The following SPATA17 variants were observed in gnomAD, a reference collection of about 807,000 sequenced individuals.
The protein encoded by SPATA17 is spermatogenesis associated 17, also known as spermatogenesis-associated protein 17.
Under a neutral mutation model 62.2 loss-of-function variants are expected in SPATA17, and 53 were observed. That is an observed-to-expected ratio of 0.85 (90% CI 0.68 to 1.07). The LOEUF (loss-of-function observed/expected upper bound fraction) is 1.07. Ranked by LOEUF, SPATA17 falls within the 50% of genes least tolerant of loss-of-function variation. The pLI, the probability that SPATA17 is intolerant of heterozygous loss-of-function variation, is 0.00. For missense variants in SPATA17, 466 were observed against 425.5 expected (o/e 1.10, Z -0.84); for synonymous variants, 146 against 146.8 (o/e 0.99, Z 0.04).
At chr1:217,790,772 A>G (rs763920619) in intron 8 of SPATA17, among the ~76,000 whole-genome samples, 9 of 152,236 alleles carry the variant, frequency 5.9e-5, no homozygotes, top group Non-Finnish European at 1.3e-4. Flanking sequence ...CTAATTAAGT[A>G]TGATTTCGTA....
chr1:217,786,018 T>C (rs905831549), intron 8 of SPATA17, among the ~76,000 whole-genome samples: 1 of 152,146 alleles, frequency 6.6e-6, no homozygotes, highest in Non-Finnish European at 1.5e-5. Context: ...AAGCAATTAA[T>C]AAATAATTAT....
intron 8 of SPATA17, among the ~76,000 whole-genome samples, chr1:217,787,770 C>A (rs983955079): frequency 1.3e-5 from 2 of 151,898 alleles, no homozygotes; most frequent in Admixed American, 6.6e-5. Flanking sequence ...GCAGAGGTAT[C>A]TATTGTCAAC....
chr1:217,696,382 G>A (rs941013589), intron 5 of SPATA17, among the ~76,000 whole-genome samples: 9 of 152,084 alleles, frequency 5.9e-5, no homozygotes, highest in Non-Finnish European at 1.2e-4. Flanking sequence ...ACTGGCCTGC[G>A]CCCACTGTCT....
intron 5 of SPATA17, among the ~76,000 whole-genome samples, chr1:217,699,291 C>A (rs1386003816): frequency 6.6e-6 from 1 of 152,120 alleles, no homozygotes; most frequent in Non-Finnish European, 1.5e-5. Context: ...AACTGTTTTC[C>A]TGAGCAGCTG....
At chr1:217,755,966 C>T (rs911063617) in intron 6 of SPATA17, among the ~76,000 whole-genome samples, 5 of 151,884 alleles carry the variant, frequency 3.3e-5, no homozygotes, top group African/African-American at 1.2e-4. Flanking sequence ...CCCTTTTCCC[C>T]CTTCTATGTC....
chr1:217,768,891 G>A (rs1673367662), intron 6 of SPATA17, among the ~76,000 whole-genome samples: 2 of 152,196 alleles, frequency 1.3e-5, no homozygotes, highest in East Asian at 1.9e-4. Context: ...TTATTAGAGG[G>A]CGCTTACTAC....
At chr1:217,784,856 G>C (rs975661647) in intron 8 of SPATA17, 5 of 152,062 alleles carry the variant, frequency 3.3e-5, no homozygotes, top group Non-Finnish European at 5.9e-5. Context: ...CTCGTTAAAG[G>C]CCTCTCTTTG....
At chr1:217,722,578 A>C (rs969981430) in intron 5 of SPATA17, among the ~76,000 whole-genome samples, 1 of 152,142 alleles carries the variant, frequency 6.6e-6, no homozygotes, top group Non-Finnish European at 1.5e-5. Flanking sequence ...TGTTTTTGTG[A>C]GTGTGTGTAT....
chr1:217,647,750 G>C (rs531278257), intron 1 of SPATA17, among the ~76,000 whole-genome samples: 4 of 151,870 alleles, frequency 2.6e-5, no homozygotes, highest in African/African-American at 9.7e-5. Context: ...TTGAGACAGA[G>C]TCTTGCTCTG....
At chr1:217,834,712 G>C (rs1420659998) in intron 9 of SPATA17, among the ~76,000 whole-genome samples, 1 of 151,990 alleles carries the variant, frequency 6.6e-6, no homozygotes, top group African/African-American at 2.4e-5. Context: ...TTACAGTAAG[G>C]TAAGTCTAGT....
At position 217,749,985 on chromosome 1, in the gene SPATA17, CTATA is replaced by C. The variant is rs57489651; in HGVS notation, c.519+7911_519+7914del. On this transcript the variant is annotated intron_variant, in intron 6 of 10. Transcript: ENST00000366933. ...TCTCTCTCTCTCTCTCTCTCTCTCTCTATATATATATATATATATATATATATGA... is the reference window on the plus strand; with the variant it reads ...TCTCTCTCTCTCTCTCTCTCTCTCTCTATATATATATATATATATATATGA... 3.7e-3 allele frequency among the ~76,000 whole-genome samples: 46 copies of C among 12,314 alleles called. 4 individuals carry two copies. Among genetic ancestry groups the C allele is most frequent in the African/African-American group, 9.1e-3 (30 of 3,290 alleles). The allele number at this position is 12,314 out of a possible 152,430, so 8.1% of individuals were successfully genotyped here. A position where few individuals can be genotyped will look rare whatever the true frequency, so the allele number is the denominator to read the frequency against.
chr1:217,670,076 C>T (rs181784855), intron 4 of SPATA17, among the ~76,000 whole-genome samples: 2 of 152,120 alleles, frequency 1.3e-5, no homozygotes, highest in Admixed American at 1.3e-4. Flanking sequence ...ATTTGCCTTT[C>T]TCAGTAATAT....
chr1:217,747,626 A>G (rs1440299120), intron 6 of SPATA17, among the ~76,000 whole-genome samples: 1 of 152,168 alleles, frequency 6.6e-6, no homozygotes, highest in Non-Finnish European at 1.5e-5. Flanking sequence ...AAATAAACAT[A>G]AAATATACAT....
intron 8 of SPATA17, among the ~76,000 whole-genome samples, chr1:217,791,165 C>A (rs189497458): frequency 1.3e-5 from 2 of 152,244 alleles, no homozygotes; most frequent in African/African-American, 4.8e-5. Context: ...TTAGCTAACC[C>A]CATTAACACA....
intron 8 of SPATA17, among the ~76,000 whole-genome samples, chr1:217,792,107 A>T (rs1398116666): frequency 6.6e-6 from 1 of 152,222 alleles, no homozygotes; most frequent in Non-Finnish European, 1.5e-5. Flanking sequence ...AAATGTTTGA[A>T]GAAAGTTTAC....
chr1:217,761,512 A>G (rs1005867990), intron 6 of SPATA17, among the ~76,000 whole-genome samples: 3 of 152,174 alleles, frequency 2.0e-5, no homozygotes, highest in African/African-American at 7.2e-5. Context: ...ATTTATCAGA[A>G]TTACCTAATT....
chr1:217,634,254 G>A (rs886294437), intron 1 of SPATA17, among the ~76,000 whole-genome samples: 1 of 152,180 alleles, frequency 6.6e-6, no homozygotes, highest in East Asian at 1.9e-4. Flanking sequence ...ACACAGACCC[G>A]GTTGTGTGGG....
At chr1:217,718,187 T>C (rs985861853) in intron 5 of SPATA17, among the ~76,000 whole-genome samples, 10 of 152,298 alleles carry the variant, frequency 6.6e-5, no homozygotes, top group Admixed American at 2.6e-4. Context: ...CAGGAGAAGA[T>C]GAGAATTCAG....
At position 217,795,036 on chromosome 1, in the gene SPATA17, A is replaced by G. The variant is rs116067042; in HGVS notation, c.873-6682A>G. Among the ~76,000 whole-genome samples, 1,152 of 152,204 alleles carry G rather than the reference A, an allele frequency of 7.6e-3. 9 individuals carry two copies. Among genetic ancestry groups the G allele is most frequent in the Non-Finnish European group, 0.012 (811 of 68,016 alleles). On this transcript the variant is annotated intron_variant, in intron 8 of 10. Coordinates refer to ENST00000366933, the MANE Select transcript of SPATA17 (RefSeq NM_138796.4). Reference sequence around the variant, plus strand: ...CTAACAGTCTCAGTAATAGGCTTGTATTTTCTTTTGTTGTTCTTACTATGA... The same window carrying G: ...CTAACAGTCTCAGTAATAGGCTTGTGTTTTCTTTTGTTGTTCTTACTATGA...
Sources: gnomAD v4.1 joint callset for allele counts (sites outside exome capture counted in the v4.1 genomes callset) on GRCh38, gnomAD v4.1.1 for gene constraint, MANE v1.5 for transcripts, NCBI Gene and HGNC (gene_info 2026-07-23, HGNC 2026-07-21) for gene names.